LZTFL1: variants seen among roughly 807,000 people sequenced by gnomAD.
LZTFL1 encodes the protein leucine zipper transcription factor-like protein 1.
LZTFL1 carries 25 observed loss-of-function variants against 45.9 expected under a neutral mutation model. The ratio of observed to expected loss-of-function variants is 0.54; its 90% CI spans 0.40 to 0.76. The LOEUF (loss-of-function observed/expected upper bound fraction) is 0.76, where lower values mean the gene tolerates loss of function less well. LZTFL1 is among the 30% of genes least tolerant of loss of function. LZTFL1 has a pLI of 0.00. For synonymous variants in LZTFL1, 93 were observed against 117.4 expected (o/e 0.79, Z 1.35); for missense variants, 277 against 331.1 (o/e 0.84, Z 1.27).
intron 2 of LZTFL1, among the ~76,000 whole-genome samples, chr3:45,911,942 C>T (rs1478513474): frequency 2.0e-5 from 3 of 152,194 alleles, no homozygotes; most frequent in South Asian, 2.1e-4. Flanking sequence ...ATACTTCAAA[C>T]GACATAGAAA....
intron 2 of LZTFL1, among the ~76,000 whole-genome samples, chr3:45,872,456 C>T (rs538724082): frequency 3.9e-5 from 6 of 152,270 alleles, no homozygotes; most frequent in Admixed American, 3.9e-4. Flanking sequence ...GAAACTCTCA[C>T]TGAGGAGATG....
rs554515459 is a variant in LZTFL1, at chr3:45,881,157, T to C, written c.-214-22141A>G. Among the ~76,000 whole-genome samples, 4 of 152,350 alleles carry C rather than the reference T, an allele frequency of 2.6e-5. No individual in the cohort carries two copies. In the East Asian group the frequency reaches 7.7e-4, roughly 29 times the overall value. The stretch of plus-strand genomic sequence containing the variant: ...TTGAGGATGACACATATTTCCCTTA[T>C]AAACAGCTTGTATTCTGCAGCAGCT... On this transcript the variant is annotated intron_variant, in intron 2 of 4. Transcript: ENST00000472635.
upstream of LZTFL1, among the ~76,000 whole-genome samples, chr3:45,844,113 T>C (rs961097996): frequency 3.3e-5 from 5 of 152,196 alleles, no homozygotes; most frequent in African/African-American, 9.7e-5. Flanking sequence ...ATGAGACTTA[T>C]GACTTTATAA....
intron 2 of LZTFL1, among the ~76,000 whole-genome samples, chr3:45,874,671 A>T (rs970557498): frequency 2.0e-5 from 3 of 152,124 alleles, no homozygotes; most frequent in African/African-American, 7.2e-5. Flanking sequence ...TACCCTTTGA[A>T]ATGGACTTTG....
chr3:45,848,864 C>T (rs1056192121), intron 4 of LZTFL1, among the ~76,000 whole-genome samples: 19 of 151,806 alleles, frequency 1.3e-4, no homozygotes, highest in African/African-American at 3.9e-4. Context: ...AATTAAAATC[C>T]GAATTTTTTG....
At chr3:45,856,764 T>G (rs1284786460) in intron 3 of LZTFL1, among the ~76,000 whole-genome samples, 9 of 151,836 alleles carry the variant, frequency 5.9e-5, no homozygotes, top group Non-Finnish European at 1.2e-4. Flanking sequence ...CCAACAAACA[T>G]GAAAAAAACT....
At chr3:45,855,436 A>T (rs1212690348) in intron 3 of LZTFL1, among the ~76,000 whole-genome samples, 1 of 152,240 alleles carries the variant, frequency 6.6e-6, no homozygotes, top group East Asian at 1.9e-4. Flanking sequence ...GCCATTTATG[A>T]CAAATCCACA....
chr3:45,871,800 A>G (rs1701675307), intron 2 of LZTFL1, among the ~76,000 whole-genome samples: 1 of 152,234 alleles, frequency 6.6e-6, no homozygotes, highest in South Asian at 2.1e-4. Context: ...CAGGCGCTTT[A>G]TAACAAGAAA....
At chr3:45,842,293 G>A (rs115889050), upstream of LZTFL1, 392 of 765,518 alleles carry the variant, frequency 5.1e-4, 1 homozygote, top group African/African-American at 4.7e-3. Flanking sequence ...GACTGCAGTT[G>A]CAGAAGGTAG....
chr3:45,841,670 A>T lies in LZTFL1; in HGVS notation c.3+319T>A. 3 of 501,402 alleles carry T rather than the reference A, an allele frequency of 6.0e-6. No homozygotes were observed. In the South Asian group the frequency reaches 8.7e-5, roughly 14 times the overall value. 31.1% of individuals were successfully genotyped at this position (501,402 alleles called of 1,614,324 possible). A position where few individuals can be genotyped will look rare whatever the true frequency, so the allele number is the denominator to read the frequency against. ...ACCCTGCCGTGCACCTTAGGCCGGC[A>T]GCAGTTTCCTCTATCTCTCCTCACC... On this transcript the variant is annotated intron_variant, in intron 1 of 9. Transcript: ENST00000296135.
intron 1 of LZTFL1, among the ~76,000 whole-genome samples, chr3:45,914,489 G>A (rs752037180): frequency 6.6e-6 from 1 of 152,006 alleles, no homozygotes; most frequent in Non-Finnish European, 1.5e-5. Flanking sequence ...ATGCAGGTTG[G>A]CCTTGAACTC....
chr3:45,848,832 C>A (rs1701262696), intron 4 of LZTFL1, among the ~76,000 whole-genome samples: 1 of 152,062 alleles, frequency 6.6e-6, no homozygotes, highest in Admixed American at 6.6e-5. Flanking sequence ...ATAGACCAAC[C>A]TTTACATATA....
At chr3:45,852,553 GA>G (rs1701325198) in intron 4 of LZTFL1, among the ~76,000 whole-genome samples, 1 of 151,978 alleles carries the variant, frequency 6.6e-6, no homozygotes, top group African/African-American at 2.4e-5. Context: ...ATAGTGAAAA[GA>G]AAAAAAGTCA....
chr3:45,908,858 C>G lies in LZTFL1; in HGVS notation c.-215+4262G>C, dbSNP rs576869732. On this transcript the variant is annotated intron_variant, in intron 2 of 4. Transcript: ENST00000472635. Reference sequence around the variant, plus strand: ...GGGTCCCCAACCCCTGGGCCACAGACCACTACTGCTCTGTGGCCTGTTAGG... The same window carrying G: ...GGGTCCCCAACCCCTGGGCCACAGAGCACTACTGCTCTGTGGCCTGTTAGG... 6.6e-5 allele frequency among the ~76,000 whole-genome samples: 10 copies of G among 152,292 alleles called. No individual in the cohort carries two copies. The South Asian group carries it at 8.3e-4, about 13-fold the overall frequency.
chr3:45,880,092 C>T (rs531399648), intron 2 of LZTFL1, among the ~76,000 whole-genome samples: 1 of 152,298 alleles, frequency 6.6e-6, no homozygotes, highest in African/African-American at 2.4e-5. Flanking sequence ...CCTGCGGTGG[C>T]CTAGGCCAGC....
At position 45,833,069 on chromosome 3, in the gene LZTFL1, G is replaced by A. The variant is rs1700874189; in HGVS notation, c.437C>T (p.Thr146Ile). 6.2e-7 allele frequency: 1 copy of A among 1,613,330 alleles called. No individual in the cohort carries two copies. Among genetic ancestry groups the A allele is most frequent in the Non-Finnish European group, 8.5e-7 (1 of 1,179,374 alleles). Reference protein sequence around the residue: ...PKLAPLNEGGTAELLNKEILR... With the variant: ...PKLAPLNEGGIAELLNKEILR... ...TATTACCTTGTTTAGGAGTTCTGCTGTTCCACCTTCATTAAGTGGAGCAAG... is the reference window on the plus strand; with the variant it reads ...TATTACCTTGTTTAGGAGTTCTGCTATTCCACCTTCATTAAGTGGAGCAAG... Residue 146 changes from threonine (T) to isoleucine (I), a missense_variant, in exon 5 of 10, where the codon ACA becomes ATA. Transcript: ENST00000296135.
chr3:45,868,052 T>C (rs1294103771), intron 2 of LZTFL1, among the ~76,000 whole-genome samples: 1 of 148,182 alleles, frequency 6.7e-6, no homozygotes, highest in East Asian at 2.0e-4. Flanking sequence ...AGAAAATTGC[T>C]GCCCTTGAAT....
At chr3:45,847,091 C>T (rs1701228796), upstream of LZTFL1, among the ~76,000 whole-genome samples, 1 of 152,188 alleles carries the variant, frequency 6.6e-6, no homozygotes, top group Admixed American at 6.5e-5. Flanking sequence ...CACTTATCTC[C>T]ATCAACTTGT....
chr3:45,896,950 G>A (rs145687652), intron 2 of LZTFL1, among the ~76,000 whole-genome samples: 1 of 152,206 alleles, frequency 6.6e-6, no homozygotes, highest in Non-Finnish European at 1.5e-5. Context: ...ATGAGCCAGA[G>A]AAGGAGGCCC....
Sources: allele counts gnomAD v4.1 joint callset (sites outside exome capture counted in the v4.1 genomes callset), GRCh38; gene constraint gnomAD v4.1.1; transcripts MANE v1.5; gene names NCBI Gene and HGNC (gene_info 2026-07-23, HGNC 2026-07-21).